RORA: variants seen among roughly 807,000 people sequenced by gnomAD.
The protein encoded by RORA is nuclear receptor ROR-alpha.
RORA carries 7 observed loss-of-function variants against 69.5 expected under a neutral mutation model. The ratio of observed to expected loss-of-function variants is 0.10; its 90% CI spans 0.06 to 0.19. RORA has a LOEUF of 0.19. Among genes scored for constraint, RORA ranks in the 10% least tolerant of loss-of-function variants. RORA has a pLI of 1.00. For synonymous variants in RORA, 261 were observed against 240.8 expected (o/e 1.08, Z -0.78); for missense variants, 457 against 663.0 (o/e 0.69, Z 3.41).
rs138539002 is a variant in RORA at position 60,725,285 on chromosome 15, G to A, written c.167-46599C>T. 1.6e-3 allele frequency among the ~76,000 whole-genome samples: 249 copies of A among 152,128 alleles called. 3 individuals carry two copies. The highest frequency in any genetic ancestry group is 2.6e-3 in the African/African-American group (106 of 41,492). On this transcript the variant is annotated intron_variant, in intron 1 of 10. Transcript: ENST00000335670. ...ATGGGTCTTTCTCTATATTTTCTGC[G>A]CTCTTATTACCTGGACTATTTACTT...
At chr15:60,961,216 T>C (rs1009938508) in intron 1 of RORA, among the ~76,000 whole-genome samples, 1 of 152,186 alleles carries the variant, frequency 6.6e-6, no homozygotes, top group Non-Finnish European at 1.5e-5. Context: ...TGTGCATGGA[T>C]TCTGATTGGA....
chr15:61,187,520 G>T (rs2079755832), intron 1 of RORA, among the ~76,000 whole-genome samples: 1 of 152,216 alleles, frequency 6.6e-6, no homozygotes, highest in Admixed American at 6.5e-5. Context: ...CGGTAGGGAT[G>T]GGAAGTGGGC....
intron 1 of RORA, among the ~76,000 whole-genome samples, chr15:61,167,240 T>C (rs1450146155): frequency 6.6e-6 from 1 of 152,198 alleles, no homozygotes; most frequent in East Asian, 1.9e-4. Context: ...AAAAGATTTT[T>C]TTTTCCTTCA....
intron 2 of RORA, among the ~76,000 whole-genome samples, chr15:60,612,362 T>TA: frequency 6.6e-6 from 1 of 152,210 alleles, no homozygotes; most frequent in East Asian, 1.9e-4. Context: ...ACTTGAAAAA[T>TA]AAAAATGAAC....
At chr15:61,186,238 C>T (rs2079739821) in intron 1 of RORA, among the ~76,000 whole-genome samples, 1 of 152,154 alleles carries the variant, frequency 6.6e-6, no homozygotes, top group East Asian at 1.9e-4. Flanking sequence ...AAAAGACATG[C>T]TGGTTAAGTG....
intron 1 of RORA, among the ~76,000 whole-genome samples, chr15:60,772,698 A>T (rs1439627380): frequency 2.6e-5 from 4 of 152,186 alleles, no homozygotes; most frequent in Non-Finnish European, 5.9e-5. Context: ...TGGAGCGTTC[A>T]TGAATGGCAA....
chr15:60,886,534 T>C (rs574405611), intron 1 of RORA, among the ~76,000 whole-genome samples: 10 of 152,334 alleles, frequency 6.6e-5, no homozygotes, highest in Admixed American at 2.6e-4. Context: ...AAACTCCTTA[T>C]AGAGTCAGCC....
intron 1 of RORA, among the ~76,000 whole-genome samples, chr15:61,153,799 G>A (rs1283388537): frequency 6.9e-6 from 1 of 145,434 alleles, no homozygotes; most frequent in Non-Finnish European, 1.5e-5. Context: ...CAATTGCTAA[G>A]AACCCTCAGG....
At chr15:60,798,854 G>A (rs186291504) in intron 1 of RORA, among the ~76,000 whole-genome samples, 1 of 151,922 alleles carries the variant, frequency 6.6e-6, no homozygotes, top group Non-Finnish European at 1.5e-5. Context: ...GCAAGCATGT[G>A]TAACTTACAG....
intron 1 of RORA, among the ~76,000 whole-genome samples, chr15:60,715,439 T>G (rs1330398277): frequency 1.3e-5 from 2 of 152,190 alleles, no homozygotes; most frequent in Non-Finnish European, 2.9e-5. Context: ...TCATGGTGTT[T>G]CTCCAAAGAC....
chr15:60,574,094 G>A (rs1022289270), intron 2 of RORA, among the ~76,000 whole-genome samples: 2 of 152,164 alleles, frequency 1.3e-5, no homozygotes, highest in Non-Finnish European at 2.9e-5. Context: ...CTGAGACTCC[G>A]GTGGTGCTGG....
At chr15:60,841,061 C>T (rs1408324852) in intron 1 of RORA, 5 of 982,800 alleles carry the variant, frequency 5.1e-6, no homozygotes, top group Non-Finnish European at 6.0e-6. Flanking sequence ...AAACATTCAG[C>T]GTACTTACCA....
At chr15:60,706,717 C>A (rs2071067655) in intron 1 of RORA, among the ~76,000 whole-genome samples, 3 of 152,150 alleles carry the variant, frequency 2.0e-5, no homozygotes, top group Admixed American at 1.3e-4. Context: ...TGATCAATAC[C>A]TGATGAACAG....
chr15:61,089,351 C>A (rs2078671572), intron 1 of RORA, among the ~76,000 whole-genome samples: 1 of 152,212 alleles, frequency 6.6e-6, no homozygotes, highest in Non-Finnish European at 1.5e-5. Context: ...ACCTTGCTAA[C>A]TTGGGAAAAC....
intron 2 of RORA, among the ~76,000 whole-genome samples, chr15:60,675,951 C>T (rs899156343): frequency 2.6e-5 from 4 of 152,126 alleles, no homozygotes; most frequent in Admixed American, 6.5e-5. Flanking sequence ...CTTCAGCTGT[C>T]GATGATTATG....
rs753512637 is a variant in RORA at position 61,082,170 on chromosome 15, G to A, written c.166+146883C>T. Among the ~76,000 whole-genome samples, 67 of 152,172 alleles carry A rather than the reference G, an allele frequency of 4.4e-4. 1 individual carries two copies. The Middle Eastern group carries it at 0.014, about 31-fold the overall frequency. ...TGACTGCCGAGGTCCACTTACACACGGCAGTCAACCAAACGCAGATCAAAA... is the reference window on the plus strand; with the variant it reads ...TGACTGCCGAGGTCCACTTACACACAGCAGTCAACCAAACGCAGATCAAAA... On this transcript the variant is annotated intron_variant, in intron 1 of 10. Coordinates refer to ENST00000335670, the MANE Select transcript of RORA (RefSeq NM_134261.3).
Position 60,645,995 on chromosome 15 carries a change from C to T in RORA, c.196+32662G>A, listed in dbSNP as rs183350563. Among the ~76,000 whole-genome samples the T allele has an allele frequency of 1.1e-4, 17 of 152,238 alleles. No individual in the cohort carries two copies. In the East Asian group the frequency reaches 2.5e-3, roughly 23 times the overall value. ...ATATGTGAGCATGAAAACACAACTT[C>T]GGGGCCTCGCCCGTATGCTCTGAAA... is the stretch of plus-strand genomic sequence containing the variant. On this transcript the variant is annotated intron_variant, in intron 2 of 10. Transcript: ENST00000335670.
At chr15:61,068,548 C>A (rs2078296178) in intron 1 of RORA, among the ~76,000 whole-genome samples, 1 of 152,200 alleles carries the variant, frequency 6.6e-6, no homozygotes, top group African/African-American at 2.4e-5. Flanking sequence ...ATCCTGGACT[C>A]AACTTCAGAA....
chr15:60,858,360 G>C (rs576792100), intron 1 of RORA, among the ~76,000 whole-genome samples: 1 of 152,254 alleles, frequency 6.6e-6, no homozygotes, highest in African/African-American at 2.4e-5. Context: ...CACGTTCTGG[G>C]TCTTTCTACT....
Sources: allele counts gnomAD v4.1 joint callset (sites outside exome capture counted in the v4.1 genomes callset), GRCh38; gene constraint gnomAD v4.1.1; transcripts MANE v1.5; gene names NCBI Gene and HGNC (gene_info 2026-07-23, HGNC 2026-07-21).